MFSD11: variants seen among roughly 807,000 people sequenced by gnomAD.
MFSD11 encodes the protein UNC93-like protein MFSD11.
Under a neutral mutation model 53.5 loss-of-function variants are expected in MFSD11, and 36 were observed. That is an observed-to-expected ratio of 0.67 (90% CI 0.52 to 0.89). The LOEUF is 0.89. Among genes scored for constraint, MFSD11 ranks in the 40% least tolerant of loss-of-function variants. MFSD11 has a pLI of 0.00. For synonymous variants in MFSD11, 186 were observed against 184.9 expected, an observed-to-expected ratio of 1.01 and a Z score of -0.05; for missense variants, 530 against 543.9, an observed-to-expected ratio of 0.97 and a Z score of 0.25.
rs764111315 is a variant in MFSD11 at position 76,738,468 on chromosome 17, C to G, written c.96+20C>G. 6.4e-7 allele frequency: 1 copy of G among 1,574,718 alleles called. No individual in the cohort carries two copies. The highest frequency in any genetic ancestry group is 8.7e-7 in the Non-Finnish European group (1 of 1,144,334). ...GTGGCGGTGAGTTGGAATCTGTCCTCCCTCCTTTGAAGTGCCCATCATAAT... is the reference window on the plus strand; with the variant it reads ...GTGGCGGTGAGTTGGAATCTGTCCTGCCTCCTTTGAAGTGCCCATCATAAT... On this transcript the variant is annotated intron_variant, in intron 1 of 12. Coordinates refer to ENST00000685175, the MANE Select transcript of MFSD11 (RefSeq NM_001242532.5).
At chr17:76,799,027 C>CAAAAAAAAAAAAAAAAAAAAAAAAAAA in the MFSD11 span, 1 of 99,110 alleles carries the variant, frequency 1.0e-5, no homozygotes. Flanking sequence ...AACTCCATCT[C>CAAAAAAAAAAAAAAAAAAAAAAAAAAA]AAAAAAAAAA....
the MFSD11 span, among the ~76,000 whole-genome samples, chr17:76,793,040 A>ATATC: frequency 1.3e-5 from 2 of 151,460 alleles, no homozygotes; most frequent in Admixed American, 1.3e-4. Context: ...AGGTAATAGA[A>ATATC]TATCACAAGG....
At chr17:76,788,647 C>T in the MFSD11 span, among the ~76,000 whole-genome samples, 1 of 148,864 alleles carries the variant, frequency 6.7e-6, no homozygotes, top group Non-Finnish European at 1.5e-5. Flanking sequence ...GTCAGGAGTT[C>T]GAGACCAGCC....
chr17:76,741,003 C>G lies in MFSD11; in HGVS notation c.199C>G (p.Pro67Ala). The G allele has an allele frequency of 6.2e-7, 1 of 1,612,632 alleles. No individual in the cohort carries two copies. The highest frequency in any genetic ancestry group is 1.1e-5 in the South Asian group (1 of 91,044). ...GTTCTCTGCTTCAAATTTGATTACA[C>G]CGTCAGTGGTTGCCATTGTAGGACC... ...GVFSASNLIT[P>A]SVVAIVGPQL... is the part of the protein sequence containing the mutation. Residue 67 changes from proline (P) to alanine (A), a missense_variant, in exon 3 of 13, where the codon CCG becomes GCG. By Grantham distance (27) the Pro-to-Ala change is conservative (BLOSUM62 -1). Coordinates refer to ENST00000685175, the MANE Select transcript of MFSD11 (RefSeq NM_001242532.5).
At chr17:76,790,856 C>T in the MFSD11 span, among the ~76,000 whole-genome samples, 1 of 145,434 alleles carries the variant, frequency 6.9e-6, no homozygotes, top group Non-Finnish European at 1.5e-5. Context: ...CAGTAGAATT[C>T]CTTGAACCTA....
chr17:76,763,481 C>A (rs2080487882), intron 8 of MFSD11, among the ~76,000 whole-genome samples: 1 of 152,062 alleles, frequency 6.6e-6, no homozygotes. Context: ...CCTGGCTGAT[C>A]TTGAATTCCT....
At chr17:76,754,273 G>T in intron 8 of MFSD11, 186 bp downstream of exon 8, 1 of 557,054 alleles carries the variant, frequency 1.8e-6, no homozygotes, top group Non-Finnish European at 3.2e-6. Context: ...GTGAGGGATG[G>T]ATGATGGTAT....
chr17:76,761,658 C>G (rs2080245671), intron 8 of MFSD11, among the ~76,000 whole-genome samples: 1 of 152,176 alleles, frequency 6.6e-6, no homozygotes, highest in African/African-American at 2.4e-5. Context: ...CGCAGTGGCT[C>G]ACGCCTGTAA....
chr17:76,760,346 C>A (rs1384247389), intron 8 of MFSD11, among the ~76,000 whole-genome samples: 1 of 151,026 alleles, frequency 6.6e-6, no homozygotes. Flanking sequence ...GGAAGTGGAT[C>A]ATCTGGATCT....
In MFSD11 at chr17:76,738,431, A is replaced by C; in HGVS notation, c.79A>C (p.Thr27Pro). 6.2e-7 allele frequency: 1 copy of C among 1,613,716 alleles called. No homozygotes were observed. Among genetic ancestry groups the C allele is most frequent in the Non-Finnish European group, 8.5e-7 (1 of 1,179,630 alleles). ...AFMFMFTAFQ[T>P]CGNVAQTVIR... ...TATGTTTATGTTCACTGCCTTTCAA[A>C]CTTGTGGAAATGTGGCGGTGAGTTG... Residue 27 changes from threonine (T) to proline (P), a missense_variant, in exon 1 of 13, where the codon ACT becomes CCT. By Grantham distance (38) the Thr-to-Pro change is conservative. Transcript: ENST00000685175.
At chr17:76,790,104 C>T in the MFSD11 span, among the ~76,000 whole-genome samples, 1 of 139,040 alleles carries the variant, frequency 7.2e-6, no homozygotes, top group Non-Finnish European at 1.5e-5. Context: ...TTTTTTGAGA[C>T]AGAGTCTCAC....
At chr17:76,752,525 G>A (rs2144406795) in intron 7 of MFSD11, among the ~76,000 whole-genome samples, 1 of 152,004 alleles carries the variant, frequency 6.6e-6, no homozygotes, top group African/African-American at 2.4e-5. Context: ...TTACAGGGGT[G>A]CACCACCACA....
In MFSD11 at chr17:76,761,154, G is replaced by A. The variant is rs141996064; in HGVS notation, c.683-6232G>A. On this transcript the variant is annotated intron_variant, in intron 8 of 12. Coordinates refer to ENST00000685175, the MANE Select transcript of MFSD11 (RefSeq NM_001242532.5). ...TGGGAGACAGAGATTGCAGTGAGCC[G>A]AGATCGTGCTGTTGTGCTGCAGCCT... Among the ~76,000 whole-genome samples the A allele has an allele frequency of 7.8e-4, 119 of 152,226 alleles. No homozygotes were observed. The South Asian group carries it at 0.012, about 16-fold the overall frequency.
In MFSD11 at chr17:76,738,829, A is replaced by G. The variant is rs141553434; in HGVS notation, c.97-109A>G. 4.0e-4 allele frequency: 329 copies of G among 832,378 alleles called. 2 individuals are homozygous for G. The African/African-American group carries it at 4.5e-3, about 11-fold the overall frequency. The allele number at this position is 832,378 out of a possible 1,614,324, so 51.6% of individuals were successfully genotyped here. A position where few individuals can be genotyped will look rare whatever the true frequency, so the allele number is the denominator to read the frequency against. Reference sequence around the variant, plus strand: ...CATAATGGACTTCAGTATTAAGTACATTATGAACTTTTACTTTATTCTCTT... The same window carrying G: ...CATAATGGACTTCAGTATTAAGTACGTTATGAACTTTTACTTTATTCTCTT... On this transcript the variant is annotated intron_variant, in intron 1 of 12. Transcript: ENST00000685175.
intron 7 of MFSD11, chr17:76,748,160 CG>C (rs762144755): frequency 6.6e-5 from 10 of 151,978 alleles, no homozygotes; most frequent in East Asian, 3.9e-4. Context: ...TGAAGGTCAG[CG>C]GGTGGCCTTT....
rs114771074 is a variant in MFSD11, at chr17:76,763,237, G to A, written c.683-4149G>A. 6.2e-3 allele frequency among the ~76,000 whole-genome samples: 937 copies of A among 151,862 alleles called. 8 individuals are homozygous for A. The highest frequency in any genetic ancestry group is 0.021 in the African/African-American group (878 of 41,454). ...AGGATGAGTTTGTCAGTGTTTCCAC[G>A]TGCTTGCAGTTATTTTCTGTTTTTT... is the stretch of plus-strand genomic sequence containing the variant. On this transcript the variant is annotated intron_variant, in intron 8 of 12. Coordinates refer to ENST00000685175, the MANE Select transcript of MFSD11 (RefSeq NM_001242532.5).
At chr17:76,772,603 C>T (rs931443808) in intron 10 of MFSD11, among the ~76,000 whole-genome samples, 6 of 149,124 alleles carry the variant, frequency 4.0e-5, no homozygotes, top group Admixed American at 2.0e-4. Flanking sequence ...CTGCAACCTT[C>T]GCTGCTGGGA....
At position 76,738,274 on chromosome 17, in the gene MFSD11, T is replaced by G. The variant is rs1378613983; in HGVS notation, c.-79T>G. 2 of 910,380 alleles carry G rather than the reference T, an allele frequency of 2.2e-6. No individual in the cohort carries two copies. The highest frequency in any genetic ancestry group is 3.6e-6 in the Non-Finnish European group (2 of 561,624). The allele number at this position is 910,380 out of a possible 1,614,324, so 56.4% of individuals were successfully genotyped here. A position where few individuals can be genotyped will look rare whatever the true frequency, so the allele number is the denominator to read the frequency against. On this transcript the variant is annotated 5_prime_UTR_variant, in exon 1 of 13. Transcript: ENST00000685175. ...CTTCTCCACTCACCATCTCATTTCT[T>G]TCTCCAGGATTGTCAGTGGCTTCGC...
intron 11 of MFSD11, among the ~76,000 whole-genome samples, chr17:76,775,475 A>G (rs1031505612): frequency 2.6e-5 from 4 of 152,190 alleles, no homozygotes; most frequent in Non-Finnish European, 4.4e-5. Context: ...ATATCCAGAC[A>G]TTAGGGCCTG....
Sources: allele counts gnomAD v4.1 joint callset (sites outside exome capture counted in the v4.1 genomes callset), GRCh38; gene constraint gnomAD v4.1.1; transcripts MANE v1.5; gene names NCBI Gene and HGNC (gene_info 2026-07-23, HGNC 2026-07-21).